Variants in MAGI2 observed in about 807,000 individuals in gnomAD.
The protein encoded by MAGI2 is membrane associated guanylate kinase, WW and PDZ domain containing 2.
Under a neutral mutation model 133.3 loss-of-function variants are expected in MAGI2, and 35 were observed. The ratio of observed to expected loss-of-function variants is 0.26; its 90% CI spans 0.20 to 0.35. The LOEUF (loss-of-function observed/expected upper bound fraction) is 0.35, where lower values mean the gene tolerates loss of function less well. Among genes scored for constraint, MAGI2 ranks in the 10% least tolerant of loss-of-function variants. MAGI2 has a pLI of 1.00. For missense variants in MAGI2, 1,636 were observed against 1,863.4 expected (o/e 0.88, Z 2.25); for synonymous variants, 729 against 710.6 (o/e 1.03, Z -0.41).
intron 2 of MAGI2, among the ~76,000 whole-genome samples, chr7:78,950,722 A>G (rs776673850): frequency 7.9e-5 from 12 of 152,208 alleles, no homozygotes; most frequent in Non-Finnish European, 1.8e-4. Flanking sequence ...TTGTAGATAT[A>G]GTGATTTGCT....
At chr7:79,136,056 A>AGAAG (rs1562929096) in intron 1 of MAGI2, among the ~76,000 whole-genome samples, 37 of 136,110 alleles carry the variant, frequency 2.7e-4, no homozygotes, top group South Asian at 4.6e-4. Context: ...AAGGAAAGAA[A>AGAAG]GAAAGAAAGA....
chr7:79,063,524 C>A (rs1270514956), intron 1 of MAGI2, among the ~76,000 whole-genome samples: 6 of 151,968 alleles, frequency 3.9e-5, no homozygotes, highest in African/African-American at 1.4e-4. Context: ...GTTACTTTAT[C>A]AGTACAGAGT....
intron 2 of MAGI2, among the ~76,000 whole-genome samples, chr7:78,796,476 C>CA (rs1024451569): frequency 6.6e-6 from 1 of 151,964 alleles, no homozygotes; most frequent in Non-Finnish European, 1.5e-5. Flanking sequence ...CCAAAAAAGA[C>CA]AAAAAATAGC....
At position 78,768,399 on chromosome 7, in the gene MAGI2, C is replaced by T. The variant is rs150856677; in HGVS notation, c.419-141160G>A. Among the ~76,000 whole-genome samples the T allele has an allele frequency of 1.1e-4, 16 of 152,300 alleles. No individual in the cohort carries two copies. In the East Asian group the frequency reaches 2.3e-3, roughly 22 times the overall value. Reference sequence around the variant, plus strand: ...TGTCTACATGTATAAAAGCAGCAATCGGATCTACATGCTGTATTAAAGTTC... The same window carrying T: ...TGTCTACATGTATAAAAGCAGCAATTGGATCTACATGCTGTATTAAAGTTC... On this transcript the variant is annotated intron_variant, in intron 2 of 21. Coordinates refer to ENST00000354212, the MANE Select transcript of MAGI2 (RefSeq NM_012301.4).
chr7:78,965,777 T>C (rs1393159291), intron 2 of MAGI2, among the ~76,000 whole-genome samples: 1 of 152,138 alleles, frequency 6.6e-6, no homozygotes, highest in Non-Finnish European at 1.5e-5. Flanking sequence ...ATTATTGCCC[T>C]ATAAAGCAGA....
At chr7:78,834,424 A>G (rs1236912878) in intron 2 of MAGI2, among the ~76,000 whole-genome samples, 2 of 152,178 alleles carry the variant, frequency 1.3e-5, no homozygotes, top group African/African-American at 2.4e-5. Context: ...TACCTTTCCT[A>G]TAAATTTTCT....
At chr7:79,313,867 A>G (rs1300247353) in intron 1 of MAGI2, among the ~76,000 whole-genome samples, 2 of 148,270 alleles carry the variant, frequency 1.3e-5, no homozygotes, top group Non-Finnish European at 3.0e-5. Flanking sequence ...CAGTGGCCCT[A>G]TCTCAGTTAA....
chr7:79,086,579 T>A (rs540505556), intron 1 of MAGI2, among the ~76,000 whole-genome samples: 4 of 151,890 alleles, frequency 2.6e-5, no homozygotes, highest in Non-Finnish European at 5.9e-5. Flanking sequence ...TTTATTTATT[T>A]TTTTGCCAGT....
chr7:79,002,115 G>GCTT (rs933127505), intron 2 of MAGI2, among the ~76,000 whole-genome samples: 19 of 144,588 alleles, frequency 1.3e-4, no homozygotes, highest in African/African-American at 3.1e-4. Flanking sequence ...TCATTCACAG[G>GCTT]CTTCTTCTTC....
intron 2 of MAGI2, among the ~76,000 whole-genome samples, chr7:78,661,914 C>A (rs1192573253): frequency 6.6e-6 from 1 of 152,102 alleles, no homozygotes; most frequent in Non-Finnish European, 1.5e-5. Flanking sequence ...AAGAACTAGT[C>A]TTCCAGTATA....
intron 21 of MAGI2, among the ~76,000 whole-genome samples, chr7:78,035,609 C>T (rs1416543777): frequency 6.6e-6 from 1 of 152,144 alleles, no homozygotes. Context: ...TTGACTTCAG[C>T]CCTTGTTTCC....
At chr7:79,289,242 T>C (rs1221636585) in intron 1 of MAGI2, among the ~76,000 whole-genome samples, 2 of 152,166 alleles carry the variant, frequency 1.3e-5, no homozygotes, top group African/African-American at 2.4e-5. Flanking sequence ...CAGCTTCTCA[T>C]TAAGCTCTGC....
intron 2 of MAGI2, among the ~76,000 whole-genome samples, chr7:78,946,521 T>C (rs1323323027): frequency 6.6e-6 from 1 of 152,214 alleles, no homozygotes; most frequent in Non-Finnish European, 1.5e-5. Flanking sequence ...AGAAAGCCTC[T>C]GGCTTTGACA....
At chr7:78,315,279 T>C (rs1281419549) in intron 9 of MAGI2, among the ~76,000 whole-genome samples, 1 of 152,158 alleles carries the variant, frequency 6.6e-6, no homozygotes, top group African/African-American at 2.4e-5. Context: ...GCTCAGGACG[T>C]CTGTGGGCCA....
intron 10 of MAGI2, among the ~76,000 whole-genome samples, chr7:78,202,762 T>A (rs1429455647): frequency 6.6e-6 from 1 of 151,610 alleles, no homozygotes; most frequent in Non-Finnish European, 1.5e-5. Flanking sequence ...AGAGTTACAC[T>A]TAATGTTTAG....
At chr7:78,084,617 C>T (rs776690748) in intron 20 of MAGI2, among the ~76,000 whole-genome samples, 10 of 152,180 alleles carry the variant, frequency 6.6e-5, no homozygotes, top group South Asian at 4.1e-4. Context: ...TGGTGACCTA[C>T]ATACATTGGT....
chr7:79,103,922 C>T (rs1213910272), intron 1 of MAGI2, among the ~76,000 whole-genome samples: 3 of 151,936 alleles, frequency 2.0e-5, no homozygotes, highest in African/African-American at 7.3e-5. Context: ...AGGATGGTCT[C>T]GATCTCCTGA....
chr7:78,603,093 T>A (rs1192683790), intron 3 of MAGI2, among the ~76,000 whole-genome samples: 1 of 149,092 alleles, frequency 6.7e-6, no homozygotes, highest in Admixed American at 6.6e-5. Flanking sequence ...ATTCTTTTTG[T>A]CATCAAAGAC....
intron 9 of MAGI2, among the ~76,000 whole-genome samples, chr7:78,328,529 A>ACACACACACACACACACACACC (rs1408831333): frequency 1.0e-5 from 1 of 99,776 alleles, no homozygotes; most frequent in Admixed American, 9.6e-5. Context: ...ACACACACAC[A>ACACACACACACACACACACACC]CCCCTCTCTC....
Sources: allele counts gnomAD v4.1 joint callset (sites outside exome capture counted in the v4.1 genomes callset), GRCh38; gene constraint gnomAD v4.1.1; transcripts MANE v1.5; gene names NCBI Gene and HGNC (gene_info 2026-07-23, HGNC 2026-07-21).